TTLL5: variants seen among roughly 807,000 people sequenced by gnomAD.
TTLL5 encodes tubulin tyrosine ligase like 5, also known as tubulin polyglutamylase TTLL5.
Under a neutral mutation model 168.4 loss-of-function variants are expected in TTLL5, and 132 were observed. That is an observed-to-expected ratio of 0.78 (90% CI 0.68 to 0.91). The LOEUF (loss-of-function observed/expected upper bound fraction) is 0.91, where lower values mean the gene tolerates loss of function less well. TTLL5 is among the 40% of genes least tolerant of loss of function. The pLI is 0.00. For missense variants in TTLL5, 1,545 were observed against 1,581.5 expected, an observed-to-expected ratio of 0.98 and a Z score of 0.39; for synonymous variants, 546 against 558.6, an observed-to-expected ratio of 0.98 and a Z score of 0.32.
chr14:75,886,818 G>A (rs2032149685), intron 30 of TTLL5: 1 of 1,566,868 alleles, frequency 6.4e-7, no homozygotes, highest in Non-Finnish European at 8.6e-7. Flanking sequence ...TTGTAAATGA[G>A]CTTTTTTCAG....
At chr14:75,759,688 G>A (rs1386753064) in intron 18 of TTLL5, among the ~76,000 whole-genome samples, 1 of 152,042 alleles carries the variant, frequency 6.6e-6, no homozygotes, top group Non-Finnish European at 1.5e-5. Flanking sequence ...ATATGACTGA[G>A]ATTTTCCCCA....
chr14:75,667,673 G>T (rs1421511124), intron 2 of TTLL5, among the ~76,000 whole-genome samples: 1 of 150,018 alleles, frequency 6.7e-6, no homozygotes, highest in East Asian at 1.9e-4. Flanking sequence ...TTGGCAGCTT[G>T]TCCCAAGTCT....
intron 28 of TTLL5, among the ~76,000 whole-genome samples, chr14:75,852,736 C>CT (rs959733042): frequency 2.6e-5 from 4 of 152,158 alleles, no homozygotes; most frequent in African/African-American, 9.7e-5. Context: ...CATAAATTCT[C>CT]TAAGAATCAA....
At chr14:75,808,652 A>G (rs938582972) in intron 27 of TTLL5, among the ~76,000 whole-genome samples, 2 of 152,020 alleles carry the variant, frequency 1.3e-5, no homozygotes, top group African/African-American at 4.8e-5. Context: ...GATATTTCCT[A>G]TTCAAGGATT....
At chr14:75,706,928 T>G in intron 7 of TTLL5, 90 bp from the exon 8 acceptor site, 1 of 1,155,918 alleles carries the variant, frequency 8.7e-7, no homozygotes, top group Admixed American at 2.0e-5. Flanking sequence ...CACCTTACCA[T>G]TTCTTTAAAG....
intron 4 of TTLL5, among the ~76,000 whole-genome samples, chr14:75,682,935 T>TA (rs200938741): frequency 6.6e-6 from 1 of 150,804 alleles, no homozygotes; most frequent in African/African-American, 2.4e-5. Context: ...CCTGGCTAAT[T>TA]AAAAAAAAAA....
At chr14:75,778,052 T>A (rs1022477230) in intron 23 of TTLL5, among the ~76,000 whole-genome samples, 2 of 152,008 alleles carry the variant, frequency 1.3e-5, no homozygotes, top group Non-Finnish European at 2.9e-5. Context: ...TTTTCAGGTT[T>A]ATCCTAAGGA....
chr14:75,734,039 T>C lies in TTLL5; in HGVS notation c.1175T>C (p.Phe392Ser). ...KIKASMISDMFTVVGFVCQDP... is the reference protein window; with the variant it reads ...KIKASMISDMSTVVGFVCQDP... ...AAAGCCAGTATGATTTCAGATATGT[T>C]CACTGTTGTAGGTGAGTAGTAGTAT... The change falls in exon 14 of 32, where the codon TTC becomes TCC. Residue 392 changes from phenylalanine (F) to serine (S), a missense_variant. Transcript: ENST00000298832. 3.1e-6 allele frequency: 5 copies of C among 1,614,040 alleles called. No individual in the cohort carries two copies. The highest frequency in any genetic ancestry group is 4.2e-6 in the Non-Finnish European group (5 of 1,179,912).
At chr14:75,877,498 TTC>T (rs1200692057) in intron 29 of TTLL5, among the ~76,000 whole-genome samples, 3 of 152,180 alleles carry the variant, frequency 2.0e-5, no homozygotes, top group Non-Finnish European at 4.4e-5. Context: ...ACTGTGGTTT[TTC>T]TCTGAGTCTT....
At position 75,857,416 on chromosome 14, in the gene TTLL5, G is replaced by T. The variant is rs567896441; in HGVS notation, c.3327-6251G>T. Among the ~76,000 whole-genome samples, 164 of 150,876 alleles carry T rather than the reference G, an allele frequency of 1.1e-3. 1 individual carries two copies. Among genetic ancestry groups the T allele is most frequent in the African/African-American group, 3.9e-3 (160 of 41,168 alleles). ...AGATAGATAGATAGATAGATAGATA[G>T]ATTTTATTAGCTAATATTGTGTTAA... On this transcript the variant is annotated intron_variant, in intron 28 of 31. Coordinates refer to ENST00000298832, the MANE Select transcript of TTLL5 (RefSeq NM_015072.5).
chr14:75,943,627 C>G (rs575091873), intron 31 of TTLL5, among the ~76,000 whole-genome samples: 5 of 152,162 alleles, frequency 3.3e-5, no homozygotes, highest in Non-Finnish European at 7.4e-5. Flanking sequence ...TCCTCCAACC[C>G]AAACCTCAAA....
intron 12 of TTLL5, among the ~76,000 whole-genome samples, chr14:75,727,445 A>G (rs1566829429): frequency 6.6e-6 from 1 of 152,248 alleles, no homozygotes; most frequent in African/African-American, 2.4e-5. Flanking sequence ...GCCAGTTTCA[A>G]GAAACTACAT....
intron 27 of TTLL5, among the ~76,000 whole-genome samples, chr14:75,801,143 G>T (rs1181627829): frequency 6.6e-6 from 1 of 152,142 alleles, no homozygotes; most frequent in Non-Finnish European, 1.5e-5. Flanking sequence ...AGACCATCAG[G>T]TTGGGGCAGA....
intron 28 of TTLL5, among the ~76,000 whole-genome samples, chr14:75,836,091 C>T (rs1895851862): frequency 1.3e-5 from 2 of 152,198 alleles, no homozygotes; most frequent in Non-Finnish European, 2.9e-5. Context: ...ATGTGCACTC[C>T]TGTGTTTGTT....
chr14:75,668,340 C>G (rs1883455619), intron 2 of TTLL5, among the ~76,000 whole-genome samples: 1 of 152,188 alleles, frequency 6.6e-6, no homozygotes, highest in Admixed American at 6.5e-5. Context: ...ACTTAACCAG[C>G]TATATGACCT....
chr14:75,938,791 C>A (rs2034507653), intron 31 of TTLL5, among the ~76,000 whole-genome samples: 1 of 152,152 alleles, frequency 6.6e-6, no homozygotes, highest in South Asian at 2.1e-4. Context: ...TGAGTGTCTT[C>A]CCATAATGCC....
chr14:75,814,982 G>C (rs1270534163), intron 27 of TTLL5, among the ~76,000 whole-genome samples: 1 of 152,188 alleles, frequency 6.6e-6, no homozygotes, highest in East Asian at 1.9e-4. Flanking sequence ...CTAGAAGATA[G>C]AAAATGATTT....
chr14:75,863,928 AAAAAAAG>A lies in TTLL5; in HGVS notation c.3522+67_3522+73del, dbSNP rs1217444679. On this transcript the variant is annotated intron_variant, in intron 29 of 31. Coordinates refer to ENST00000298832, the MANE Select transcript of TTLL5 (RefSeq NM_015072.5). Reference sequence around the variant, plus strand: ...GCTGTTGGTAAAAAAAAAAAAAAAAAAAAAAAGGTCAGTGAATGAGAAATGTAGGATT... The same window carrying A: ...GCTGTTGGTAAAAAAAAAAAAAAAAAGTCAGTGAATGAGAAATGTAGGATT... 3.5e-5 allele frequency: 47 copies of A among 1,327,532 alleles called. No individual in the cohort carries two copies. In the African/African-American group the frequency reaches 7.1e-4, roughly 20 times the overall value. 82.2% of individuals were successfully genotyped at this position (1,327,532 alleles called of 1,614,324 possible).
chr14:75,752,379 G>C (rs1005696566), intron 17 of TTLL5, among the ~76,000 whole-genome samples: 1 of 152,182 alleles, frequency 6.6e-6, no homozygotes, highest in Admixed American at 6.5e-5. Flanking sequence ...TGAATGAATT[G>C]ATGTTACAGA....
Sources: gnomAD v4.1 joint callset for allele counts (sites outside exome capture counted in the v4.1 genomes callset) on GRCh38, gnomAD v4.1.1 for gene constraint, MANE v1.5 for transcripts, NCBI Gene and HGNC (gene_info 2026-07-23, HGNC 2026-07-21) for gene names.